Variants in PDGFD observed in about 807,000 individuals in gnomAD.
The protein encoded by PDGFD is platelet-derived growth factor D.
In PDGFD, 30 loss-of-function variants were observed where a neutral mutation model predicts 44.7. The ratio of observed to expected loss-of-function variants is 0.67; its 90% confidence interval spans 0.50 to 0.91. The LOEUF (loss-of-function observed/expected upper bound fraction) is 0.91. PDGFD is among the 40% of genes least tolerant of loss of function. The pLI, the probability that PDGFD is intolerant of heterozygous loss-of-function variation, is 0.00. For missense variants in PDGFD, 445 were observed against 457.8 expected, an observed-to-expected ratio of 0.97 and a Z score of 0.25; for synonymous variants, 173 against 168.4, an observed-to-expected ratio of 1.03 and a Z score of -0.21.
chr11:104,021,528 T>C (rs1004348204), intron 1 of PDGFD, among the ~76,000 whole-genome samples: 3 of 152,136 alleles, frequency 2.0e-5, no homozygotes, highest in African/African-American at 7.2e-5. Flanking sequence ...TCATCCACTG[T>C]TTCTACTAGA....
chr11:104,037,144 C>G lies in PDGFD; in HGVS notation c.125-36889G>C, dbSNP rs772836223. ...TGCGGTGCCTGGGACGTCCAGCTCC[C>G]GTCCACAGCACCCTGGACAGCAGCA... On this transcript the variant is annotated intron_variant, in intron 1 of 6. Transcript: ENST00000393158. 4 of 1,613,828 alleles carry G rather than the reference C, an allele frequency of 2.5e-6. No homozygotes were observed. The South Asian group carries it at 4.4e-5, about 18-fold the overall frequency.
rs116436240 is a variant in PDGFD, at chr11:104,046,789, C to T, written c.125-46534G>A. Among the ~76,000 whole-genome samples the T allele has an allele frequency of 8.9e-5, 13 of 146,490 alleles. 4 individuals are homozygous for T. Among genetic ancestry groups the T allele is most frequent in the Admixed American group, 2.1e-4 (3 of 14,602 alleles). Reference sequence around the variant, plus strand: ...TAAGTTCTGGGATACATGTTTAGAACGTGAAGGTTTGTTACACAGGTATAC... The same window carrying T: ...TAAGTTCTGGGATACATGTTTAGAATGTGAAGGTTTGTTACACAGGTATAC... On this transcript the variant is annotated intron_variant, in intron 1 of 6. Coordinates refer to ENST00000393158, the MANE Select transcript of PDGFD (RefSeq NM_025208.5).
chr11:103,923,057 TG>T (rs1415011287), intron 6 of PDGFD, among the ~76,000 whole-genome samples: 3 of 152,234 alleles, frequency 2.0e-5, no homozygotes. Context: ...ACCACTTTTT[TG>T]GGTCTTCCTT....
intron 5 of PDGFD, among the ~76,000 whole-genome samples, chr11:103,931,870 T>A (rs1858404919): frequency 1.3e-5 from 2 of 152,200 alleles, no homozygotes; most frequent in Admixed American, 1.3e-4. Context: ...TTAGCAGGCA[T>A]GCAGCAGCAG....
At chr11:104,109,771 GT>G (rs1225903429) in intron 1 of PDGFD, among the ~76,000 whole-genome samples, 16 of 151,688 alleles carry the variant, frequency 1.1e-4, no homozygotes, top group African/African-American at 3.6e-4. Flanking sequence ...ACATCATTAA[GT>G]TAAAAAAAAA....
At chr11:103,984,437 A>G (rs1035928898) in intron 3 of PDGFD, among the ~76,000 whole-genome samples, 3 of 151,620 alleles carry the variant, frequency 2.0e-5, no homozygotes, top group African/African-American at 7.3e-5. Context: ...AAGGGAGAGG[A>G]TAAGGAAAAA....
In PDGFD at chr11:104,028,049, G is replaced by A. The variant is rs191145538; in HGVS notation, c.125-27794C>T. 3.4e-3 allele frequency among the ~76,000 whole-genome samples: 514 copies of A among 152,110 alleles called. 1 individual carries two copies. The highest frequency in any genetic ancestry group is 6.2e-3 in the Admixed American group (95 of 15,280). The stretch of plus-strand genomic sequence containing the variant: ...ACTAAAAATACAAAAAATTAGCCGG[G>A]CATGGTGACAGGCGCCTGTAGTCCC... On this transcript the variant is annotated intron_variant, in intron 1 of 6. Coordinates refer to ENST00000393158, the MANE Select transcript of PDGFD (RefSeq NM_025208.5).
intron 1 of PDGFD, among the ~76,000 whole-genome samples, chr11:104,024,044 T>C (rs953609775): frequency 1.3e-5 from 2 of 152,164 alleles, no homozygotes; most frequent in Non-Finnish European, 2.9e-5. Flanking sequence ...ACATATGCCA[T>C]ACATGTAACA....
At chr11:103,980,179 A>G (rs1287426674) in intron 3 of PDGFD, among the ~76,000 whole-genome samples, 1 of 152,048 alleles carries the variant, frequency 6.6e-6, no homozygotes, top group African/African-American at 2.4e-5. Context: ...CTTTTTCTTT[A>G]AAAAATCTGT....
intron 1 of PDGFD, among the ~76,000 whole-genome samples, chr11:104,043,358 T>C (rs1810113736): frequency 6.6e-6 from 1 of 152,190 alleles, no homozygotes; most frequent in South Asian, 2.1e-4. Context: ...TGAGGATTTA[T>C]CACCGCCTAG....
intron 6 of PDGFD, among the ~76,000 whole-genome samples, chr11:103,916,206 A>C (rs997222127): frequency 6.6e-6 from 1 of 152,234 alleles, no homozygotes; most frequent in African/African-American, 2.4e-5. Context: ...GACAAAGGCT[A>C]ATATCCAGAA....
At chr11:103,958,397 A>G (rs1172127782) in intron 3 of PDGFD, among the ~76,000 whole-genome samples, 1 of 152,212 alleles carries the variant, frequency 6.6e-6, no homozygotes, top group African/African-American at 2.4e-5. Context: ...CAAAGAGAAC[A>G]TCTGATTCAA....
chr11:104,060,656 G>A (rs1385378016), intron 1 of PDGFD, among the ~76,000 whole-genome samples: 1 of 152,082 alleles, frequency 6.6e-6, no homozygotes, highest in Non-Finnish European at 1.5e-5. Flanking sequence ...AAAAATGCTT[G>A]ATATCTTTTT....
At position 103,916,913 on chromosome 11, in the gene PDGFD, A is replaced by G. The variant is rs190525122; in HGVS notation, c.988-7094T>C. 2.1e-3 allele frequency among the ~76,000 whole-genome samples: 316 copies of G among 152,280 alleles called. 2 individuals are homozygous for G. Among genetic ancestry groups the G allele is most frequent in the Non-Finnish European group, 3.5e-3 (235 of 68,018 alleles). On this transcript the variant is annotated intron_variant, in intron 6 of 6. Transcript: ENST00000393158. ...GAGAAGACATGGACACAGGGAGGGG[A>G]ACATCACACACCAGGTCCTGTTTGT...
At chr11:104,017,740 T>C (rs1419487261) in intron 1 of PDGFD, among the ~76,000 whole-genome samples, 1 of 152,218 alleles carries the variant, frequency 6.6e-6, no homozygotes, top group African/African-American at 2.4e-5. Context: ...TTTATCTTAC[T>C]ACATATGCTA....
At chr11:104,012,289 GT>G (rs1176760552) in intron 1 of PDGFD, among the ~76,000 whole-genome samples, 1 of 152,120 alleles carries the variant, frequency 6.6e-6, no homozygotes, top group Non-Finnish European at 1.5e-5. Context: ...AAAAGGTCAT[GT>G]TACTTTGAAG....
At chr11:103,917,084 TA>T (rs199868838) in intron 6 of PDGFD, among the ~76,000 whole-genome samples, 9 of 149,978 alleles carry the variant, frequency 6.0e-5, no homozygotes, top group South Asian at 2.1e-4. Flanking sequence ...CTTAAAGTAT[TA>T]AAAAAAAAAC....
intron 5 of PDGFD, among the ~76,000 whole-genome samples, chr11:103,931,022 T>C (rs1249130052): frequency 6.6e-6 from 1 of 152,190 alleles, no homozygotes; most frequent in Non-Finnish European, 1.5e-5. Context: ...AATGGATTGA[T>C]AGCAATGATT....
rs773977234 is a variant in PDGFD at position 103,947,709 on chromosome 11, C to T, written c.526G>A (p.Ala176Thr). 2.4e-5 allele frequency: 39 copies of T among 1,613,218 alleles called. No homozygotes were observed. Among genetic ancestry groups the T allele is most frequent in the South Asian group, 3.3e-5 (3 of 91,072 alleles). The stretch of plus-strand genomic sequence containing the variant: ...TCCCAGTTGGTCTCTGAAGCTGCTG[C>T]GGGTTGGAAATCTTCCTGGAAGGCA... ...YYSLLEDFQPAAASETNWESV... is the reference protein window; with the variant it reads ...YYSLLEDFQPTAASETNWESV... Residue 176 changes from alanine (A) to threonine (T), a missense_variant, in exon 4 of 7, where the codon GCA (alanine) becomes ACA (threonine). Ala to Thr is a moderately conservative substitution (Grantham distance 58). Transcript: ENST00000393158.
Sources: gnomAD v4.1 joint callset for allele counts (sites outside exome capture counted in the v4.1 genomes callset) on GRCh38, gnomAD v4.1.1 for gene constraint, MANE v1.5 for transcripts, NCBI Gene and HGNC (gene_info 2026-07-23, HGNC 2026-07-21) for gene names.